Variants in APBB1 observed in about 807,000 individuals in gnomAD.
APBB1 encodes amyloid beta precursor protein binding family B member 1, also known as adaptor protein FE65a2.
In APBB1, 22 loss-of-function variants were observed where a neutral mutation model predicts 78.4. The ratio of observed to expected loss-of-function variants is 0.28; its 90% CI spans 0.20 to 0.40. The LOEUF (loss-of-function observed/expected upper bound fraction) is 0.40. APBB1 is among the 10% of genes least tolerant of loss of function. The probability of loss-of-function intolerance (pLI) is 1.00; values close to 1 mark genes in which losing one functional copy is unlikely to be tolerated. For missense variants in APBB1, 749 were observed against 932.4 expected (o/e 0.80, Z 2.56); for synonymous variants, 369 against 372.7 (o/e 0.99, Z 0.12).
In APBB1 at chr11:6,403,482, A is replaced by G; in HGVS notation, c.954+6T>C. 1.2e-6 allele frequency: 2 copies of G among 1,614,182 alleles called. No homozygotes were observed. The highest frequency in any genetic ancestry group is 1.7e-6 in the Non-Finnish European group (2 of 1,180,020). ...ATCCCGTGGTAAAGCAGGTCCCCTT[A>G]CCCACCTTCCAAAATTCTCCATCCT... On this transcript the variant is annotated splice_donor_region_variant and intron_variant, in intron 4 of 14. Coordinates refer to ENST00000609360, the MANE Select transcript of APBB1 (RefSeq NM_001164.5). This position sits in a 1 kb window ranked among gnomAD's most constrained non-coding sequence, Gnocchi z 5.3.
At chr11:6,417,440 G>C (rs1372990507) in intron 1 of APBB1, among the ~76,000 whole-genome samples, 2 of 152,086 alleles carry the variant, frequency 1.3e-5, no homozygotes, top group Non-Finnish European at 2.9e-5. Context: ...TTTTCTCCTA[G>C]ATTGTCAGCT....
chr11:6,402,528 C>T (rs755500237), intron 7 of APBB1, 48 bp downstream of exon 7: 8 of 1,588,306 alleles, frequency 5.0e-6, no homozygotes, highest in Admixed American at 1.7e-5. Flanking sequence ...TCATAATTCC[C>T]TTCACACTCT....
intron 2 of APBB1, among the ~76,000 whole-genome samples, chr11:6,407,216 C>T (rs1189995069): frequency 6.6e-6 from 1 of 152,144 alleles, no homozygotes; most frequent in East Asian, 1.9e-4. Context: ...TGGGCTGGCC[C>T]CCACCTCTAT....
chr11:6,402,500 G>T (rs1323299798), intron 7 of APBB1, 76 bp downstream of exon 7: 4 of 1,492,534 alleles, frequency 2.7e-6, no homozygotes, highest in Non-Finnish European at 3.7e-6. Flanking sequence ...CTTGTGGGCA[G>T]GTCAGACCTC....
At chr11:6,410,241 G>C (rs1848923477) in intron 2 of APBB1, among the ~76,000 whole-genome samples, 1 of 152,188 alleles carries the variant, frequency 6.6e-6, no homozygotes, top group Admixed American at 6.5e-5. Flanking sequence ...GTGGTCTCGA[G>C]AAAGCTACTA....
intron 7 of APBB1, 129 bp from the exon 8 acceptor site, chr11:6,402,338 G>T: frequency 2.2e-6 from 3 of 1,365,358 alleles, no homozygotes; most frequent in Non-Finnish European, 3.0e-6. Context: ...CGCCCGCCCT[G>T]CAGGCCTCAC....
chr11:6,413,855 C>T (rs533017692), intron 1 of APBB1, among the ~76,000 whole-genome samples: 24 of 152,284 alleles, frequency 1.6e-4, no homozygotes, highest in Middle Eastern at 3.4e-3. Flanking sequence ...AAGGTTTCTG[C>T]GCACGTGTCT....
Position 6,404,229 on chromosome 11 carries a change from C to A in APBB1, c.722-407G>T, listed in dbSNP as rs1590778198. Among the ~76,000 whole-genome samples the A allele has an allele frequency of 2.0e-5, 3 of 152,344 alleles. No individual in the cohort carries two copies. The South Asian group carries it at 6.2e-4, about 32-fold the overall frequency. On this transcript the variant is annotated intron_variant, in intron 2 of 14. Transcript: ENST00000609360. ...CACAGACACACAACACATACAAGCC[C>A]TACCACACACCTGTGCAGCCACAAA...
intron 2 of APBB1, among the ~76,000 whole-genome samples, chr11:6,406,847 A>C (rs1848820917): frequency 6.6e-6 from 1 of 152,170 alleles, no homozygotes; most frequent in Admixed American, 6.5e-5. Context: ...CCCCAGCCCC[A>C]GAGAGCTCAT....
chr11:6,395,764 C>T lies in APBB1; in HGVS notation c.1965+22G>A. ...CTCCCATGGGGCCACGCCACCACCA[C>T]ACCACCCTACTAGTAGCTTACCATG... On this transcript the variant is annotated intron_variant, in intron 14 of 14. Coordinates refer to ENST00000609360, the MANE Select transcript of APBB1 (RefSeq NM_001164.5). The surrounding 1 kb of genome is among the most constrained non-coding windows in gnomAD (Gnocchi z 5.2). The T allele has an allele frequency of 6.2e-7, 1 of 1,606,786 alleles. No homozygotes were observed. The highest frequency in any genetic ancestry group is 8.5e-7 in the Non-Finnish European group (1 of 1,176,988).
chr11:6,401,809 C>T lies in APBB1; in HGVS notation c.1389-121G>A. The T allele has an allele frequency of 7.0e-7, 1 of 1,433,304 alleles. No homozygotes were observed. The allele number at this position is 1,433,304 out of a possible 1,614,324, so 88.8% of individuals were successfully genotyped here. ...TCCAGGGCTTCTGCCCACAGCTGGT[C>T]CCCCATAGGTGCTGCCTTCTTGGGG... On this transcript the variant is annotated intron_variant, in intron 9 of 14. Coordinates refer to ENST00000609360, the MANE Select transcript of APBB1 (RefSeq NM_001164.5). The surrounding 1 kb of genome is among the most constrained non-coding windows in gnomAD (Gnocchi z 4.5).
chr11:6,401,401 C>T lies in APBB1; in HGVS notation c.1532G>A (p.Cys511Tyr), dbSNP rs1037548695. The T allele has an allele frequency of 3.1e-6, 5 of 1,613,964 alleles. No individual in the cohort carries two copies. The highest frequency in any genetic ancestry group is 1.3e-5 in the African/African-American group (1 of 74,872). ...GTCCAGGGAGAGTCCATTTACCAAG[C>T]AGCGGGCATTACGCCGTTCGGCCAT... ...KIMAERRNAR[C>Y]LVNGLSLDHS... Residue 511 changes from cysteine to tyrosine, a missense_variant, in exon 11 of 15, where the codon TGC becomes TAC. Cys to Tyr is a radical substitution (Grantham distance 194). This residue lies in a region of APBB1 where 635 missense variants were observed against 765.0 expected (regional missense o/e 0.83). Transcript: ENST00000609360. The surrounding 1 kb of genome is among the most constrained non-coding windows in gnomAD (Gnocchi z 4.5).
chr11:6,405,445 T>C, intron 2 of APBB1: 1 of 987,110 alleles, frequency 1.0e-6, no homozygotes. Context: ...CAGGACCGGC[T>C]GGGAGCGCCC....
At chr11:6,415,335 C>G (rs1056835890) in intron 1 of APBB1, among the ~76,000 whole-genome samples, 3 of 152,208 alleles carry the variant, frequency 2.0e-5, no homozygotes, top group Admixed American at 1.3e-4. Context: ...GTTGTCTAAT[C>G]TGACAGCTTC....
At chr11:6,415,234 C>T (rs868115523) in intron 1 of APBB1, among the ~76,000 whole-genome samples, 1 of 152,164 alleles carries the variant, frequency 6.6e-6, no homozygotes, top group African/African-American at 2.4e-5. Flanking sequence ...GCAGGGGCCT[C>T]GGGGCAGGAA....
chr11:6,400,964 C>T, intron 12 of APBB1, 25 bp downstream of exon 12: 2 of 1,605,842 alleles, frequency 1.2e-6, no homozygotes, highest in South Asian at 2.2e-5. Context: ...GGTAGCAGCC[C>T]CTGGGTATAG....
rs1359044952 is a variant in APBB1 at position 6,411,682 on chromosome 11, C to T, written c.-14-321G>A. Among the ~76,000 whole-genome samples, 2 of 152,198 alleles carry T rather than the reference C, an allele frequency of 1.3e-5. No homozygotes were observed. The highest frequency in any genetic ancestry group is 2.9e-5 in the Non-Finnish European group (2 of 68,042). On this transcript the variant is annotated intron_variant, in intron 1 of 14. Transcript: ENST00000609360. The surrounding 1 kb of genome is among the most constrained non-coding windows in gnomAD (Gnocchi z 5.2). ...CAATGGCTCTCTGTGCCTCCCCACCCCCCAGCTCATCCACCCGGGGCTTAC... is the reference window on the plus strand; with the variant it reads ...CAATGGCTCTCTGTGCCTCCCCACCTCCCAGCTCATCCACCCGGGGCTTAC...
At position 6,397,785 on chromosome 11, in the gene APBB1, C is replaced by A. The variant is rs569197746; in HGVS notation, c.1673-1570G>T. On this transcript the variant is annotated intron_variant, in intron 12 of 14. Transcript: ENST00000609360. ...GGAATTTAATTCATCCCTCTGTCCC[C>A]AATTCTAACACAGGGCTTATCTGCT... Among the ~76,000 whole-genome samples, 3 of 152,340 alleles carry A rather than the reference C, an allele frequency of 2.0e-5. No individual in the cohort carries two copies. In the East Asian group the frequency reaches 5.8e-4, roughly 29 times the overall value.
intron 6 of APBB1, 62 bp from the exon 7 acceptor site, chr11:6,402,787 A>C: frequency 6.3e-7 from 1 of 1,596,224 alleles, no homozygotes. Context: ...AGAGTTCCTG[A>C]CTACAGAGTG....
Sources: gnomAD v4.1 joint callset for allele counts (sites outside exome capture counted in the v4.1 genomes callset) on GRCh38, gnomAD v4.1.1 for gene constraint, gnomAD v4.1.1 regional missense constraint, Gnocchi (gnomAD v3.1) non-coding constraint, MANE v1.5 for transcripts, NCBI Gene and HGNC (gene_info 2026-07-23, HGNC 2026-07-21) for gene names.